Variants in VPS35L observed in about 807,000 individuals in gnomAD.
The protein encoded by VPS35L is VPS35 endosomal protein-sorting factor-like.
VPS35L carries 83 observed loss-of-function variants against 133.0 expected under a neutral mutation model. That is an observed-to-expected ratio of 0.62 (90% confidence interval 0.52 to 0.75). The LOEUF is 0.75. Ranked by LOEUF, VPS35L falls within the 30% of genes least tolerant of loss-of-function variation. The probability of loss-of-function intolerance (pLI) is 0.00; values close to 1 mark genes in which losing one functional copy is unlikely to be tolerated. For missense variants in VPS35L, 1,083 were observed against 1,206.8 expected (o/e 0.90, Z 1.52); for synonymous variants, 423 against 449.9 (o/e 0.94, Z 0.76).
At chr16:19,584,218 C>T (rs1358348400) in intron 7 of VPS35L, among the ~76,000 whole-genome samples, 1 of 152,104 alleles carries the variant, frequency 6.6e-6, no homozygotes, top group Non-Finnish European at 1.5e-5. Context: ...AGATGATAAC[C>T]TAGTTGTGGG....
At chr16:19,643,455 T>C (rs1973846440) in intron 22 of VPS35L, among the ~76,000 whole-genome samples, 3 of 152,220 alleles carry the variant, frequency 2.0e-5, no homozygotes, top group Admixed American at 2.0e-4. Context: ...TCTCCCAGTC[T>C]ATCTGGGGTG....
At chr16:19,692,950 G>A (rs1214333004) in intron 29 of VPS35L, among the ~76,000 whole-genome samples, 5 of 152,224 alleles carry the variant, frequency 3.3e-5, no homozygotes, top group South Asian at 2.1e-4. Flanking sequence ...GGCACTGCCC[G>A]AAGGGCTGGC....
intron 12 of VPS35L, 47 bp from the exon 13 acceptor site, chr16:19,616,067 A>G: frequency 6.8e-7 from 1 of 1,461,560 alleles, no homozygotes. Flanking sequence ...ATAAAATCAT[A>G]CTATAGTCAT....
chr16:19,595,043 G>A (rs140397179), intron 8 of VPS35L, among the ~76,000 whole-genome samples: 18 of 152,294 alleles, frequency 1.2e-4, no homozygotes, highest in Admixed American at 3.3e-4. Flanking sequence ...GAGAACCAAG[G>A]AGGCCAAGAG....
intron 12 of VPS35L, among the ~76,000 whole-genome samples, chr16:19,613,116 C>A (rs527832923): frequency 6.6e-6 from 1 of 152,316 alleles, no homozygotes; most frequent in Admixed American, 6.5e-5. Context: ...ACCTGGCCAA[C>A]ATGGCAAAAA....
Position 19,699,516 on chromosome 16 carries a change from G to A in VPS35L, c.2661G>A (p.Gln887=), listed in dbSNP as rs1276578000. Residue 887 remains glutamine (Q), a synonymous_variant, in exon 30 of 31, where the codon CAG becomes CAA. Coordinates refer to ENST00000417362, the MANE Select transcript of VPS35L (RefSeq NM_020314.7). This position sits in a 1 kb window ranked among gnomAD's most constrained non-coding sequence, Gnocchi z 4.2. ...TLAKDEALKR[Q]SSLGLSFFNS... ...TTCTGTTTCAGGCCCTGAAGCGCCAGAGCTCGTTGGGCCTTTCCTTCTTTA... is the reference window on the plus strand; with the variant it reads ...TTCTGTTTCAGGCCCTGAAGCGCCAAAGCTCGTTGGGCCTTTCCTTCTTTA... 1.9e-6 allele frequency: 3 copies of A among 1,614,172 alleles called. No homozygotes were observed. The highest frequency in any genetic ancestry group is 1.7e-6 in the Non-Finnish European group (2 of 1,180,016).
chr16:19,601,797 T>C, intron 9 of VPS35L, 74 bp downstream of exon 9: 1 of 1,461,442 alleles, frequency 6.8e-7, no homozygotes, highest in Non-Finnish European at 9.4e-7. Flanking sequence ...TGAGTCAGGA[T>C]TCATTGAAGC....
intron 3 of VPS35L, 68 bp from the exon 4 acceptor site, chr16:19,573,051 T>G: frequency 6.6e-7 from 1 of 1,508,198 alleles, no homozygotes; most frequent in South Asian, 1.2e-5. Flanking sequence ...TGGCTTCTAT[T>G]TATATATGTA....
At chr16:19,647,072 G>A (rs1037614576) in intron 23 of VPS35L, among the ~76,000 whole-genome samples, 1 of 152,158 alleles carries the variant, frequency 6.6e-6, no homozygotes, top group Non-Finnish European at 1.5e-5. Flanking sequence ...CTGACTCTGC[G>A]GGTAAAATAT....
intron 1 of VPS35L, among the ~76,000 whole-genome samples, chr16:19,556,917 G>A (rs1970876803): frequency 6.6e-6 from 1 of 151,948 alleles, no homozygotes. Flanking sequence ...CTGAGGTCAG[G>A]GGTTCGAGAC....
At chr16:19,619,895 C>T (rs769362830) in intron 14 of VPS35L, among the ~76,000 whole-genome samples, 2 of 152,010 alleles carry the variant, frequency 1.3e-5, no homozygotes, top group East Asian at 1.9e-4. Flanking sequence ...TGATAATGGC[C>T]GCTATGAGTC....
chr16:19,694,189 A>G (rs954532737), intron 29 of VPS35L: 3 of 152,242 alleles, frequency 2.0e-5, no homozygotes, highest in African/African-American at 7.2e-5. Flanking sequence ...AAAATACCAC[A>G]TGTACCTCAT....
chr16:19,613,027 G>A lies in VPS35L; in HGVS notation c.1023+2612G>A, dbSNP rs142818194. Among the ~76,000 whole-genome samples, 689 of 152,198 alleles carry A rather than the reference G, an allele frequency of 4.5e-3. 2 individuals are homozygous for A. Among genetic ancestry groups the A allele is most frequent in the African/African-American group, 8.1e-3 (337 of 41,560 alleles). On this transcript the variant is annotated intron_variant, in intron 12 of 30. Transcript: ENST00000417362. ...ATTAAAAGAGTAAGAGAGACCAAGC[G>A]CGGTGGCTCATGCCTGTAATCCCAG...
At chr16:19,608,742 A>G (rs1972615473) in intron 10 of VPS35L, 1 of 508,268 alleles carries the variant, frequency 2.0e-6, no homozygotes, top group Non-Finnish European at 3.5e-6. Flanking sequence ...ATATTTCAGC[A>G]TGCAACTATG....
At position 19,601,662 on chromosome 16, in the gene VPS35L, A is replaced by T; in HGVS notation, c.725-2A>T. On this transcript the variant is annotated splice_acceptor_variant, in intron 8 of 30. Transcript: ENST00000417362. LOFTEE classifies it high-confidence loss of function. ...TAACACCATCTGTCCTTTTCCTCCCAGGAAAGCTCGTGTACGAGCGCATCT... is the reference window on the plus strand; with the variant it reads ...TAACACCATCTGTCCTTTTCCTCCCTGGAAAGCTCGTGTACGAGCGCATCT... The T allele has an allele frequency of 6.2e-7, 1 of 1,614,104 alleles. No homozygotes were observed.
In VPS35L at chr16:19,629,056, G is replaced by A. The variant is rs552341355; in HGVS notation, c.1500+303G>A. Among the ~76,000 whole-genome samples the A allele has an allele frequency of 5.9e-5, 9 of 152,278 alleles. No homozygotes were observed. The South Asian group carries it at 8.3e-4, about 14-fold the overall frequency. On this transcript the variant is annotated intron_variant, in intron 17 of 30. Coordinates refer to ENST00000417362, the MANE Select transcript of VPS35L (RefSeq NM_020314.7). ...CTCTCAAAATGCTGGGATTACAGGCGTGAGCCACTTTGCCCGGCCTGCCAT... is the reference window on the plus strand; with the variant it reads ...CTCTCAAAATGCTGGGATTACAGGCATGAGCCACTTTGCCCGGCCTGCCAT...
chr16:19,637,777 A>G (rs956971115), intron 20 of VPS35L, 121 bp downstream of exon 20: 2 of 654,594 alleles, frequency 3.1e-6, no homozygotes, highest in African/African-American at 3.7e-5. Context: ...CCTTTTATAA[A>G]GTAGTTAAGT....
intron 27 of VPS35L, among the ~76,000 whole-genome samples, chr16:19,675,667 A>G (rs1038763154): frequency 2.6e-5 from 4 of 152,050 alleles, no homozygotes; most frequent in Non-Finnish European, 5.9e-5. Context: ...TTCCTGCCTC[A>G]GCCTCCCGAG....
At chr16:19,662,931 G>T (rs1490711495) in intron 26 of VPS35L, among the ~76,000 whole-genome samples, 2 of 151,684 alleles carry the variant, frequency 1.3e-5, no homozygotes, top group African/African-American at 2.4e-5. Context: ...AGAGGTTGCA[G>T]TGAGCTGAAA....
Sources: gnomAD v4.1 joint callset for allele counts (sites outside exome capture counted in the v4.1 genomes callset) on GRCh38, gnomAD v4.1.1 for gene constraint, Gnocchi (gnomAD v3.1) non-coding constraint, MANE v1.5 for transcripts, NCBI Gene and HGNC (gene_info 2026-07-23, HGNC 2026-07-21) for gene names.